The following COL5A2 variants were observed in gnomAD, a reference collection of about 807,000 sequenced individuals.
COL5A2 encodes collagen type V alpha 2 chain.
A neutral mutation model predicts 208.2 loss-of-function variants in COL5A2; 23 were observed. That is an observed-to-expected ratio of 0.11 (90% confidence interval 0.08 to 0.16). The LOEUF (loss-of-function observed/expected upper bound fraction) is 0.16, where lower values mean the gene tolerates loss of function less well. Ranked by LOEUF, COL5A2 falls within the 10% of genes least tolerant of loss-of-function variation. The pLI is 1.00. For missense variants in COL5A2, 1,590 were observed against 1,956.4 expected (o/e 0.81, Z 3.53); for synonymous variants, 625 against 628.5 (o/e 0.99, Z 0.08).
upstream of COL5A2, among the ~76,000 whole-genome samples, chr2:189,227,691 T>C (rs1689437914): frequency 6.6e-6 from 1 of 151,876 alleles, no homozygotes; most frequent in Non-Finnish European, 1.5e-5. Context: ...GCAACCAATA[T>C]AGAGCACCTA....
At chr2:189,317,082 T>A in the COL5A2 span, among the ~76,000 whole-genome samples, 40 of 152,092 alleles carry the variant, frequency 2.6e-4, no homozygotes, top group African/African-American at 9.7e-4. Flanking sequence ...TTCATTTTAG[T>A]CTTTATATAA....
the COL5A2 span, among the ~76,000 whole-genome samples, chr2:189,387,391 G>A: frequency 4.6e-5 from 7 of 152,128 alleles, no homozygotes; most frequent in East Asian, 1.9e-4. Flanking sequence ...TGACAAGTTC[G>A]GTTATGCCCT....
the COL5A2 span, among the ~76,000 whole-genome samples, chr2:189,260,795 T>C: frequency 1.3e-5 from 2 of 152,204 alleles, no homozygotes; most frequent in Non-Finnish European, 2.9e-5. Flanking sequence ...ATTCAAGTTA[T>C]ATAAAAGGAA....
the COL5A2 span, among the ~76,000 whole-genome samples, chr2:189,425,627 A>T: frequency 6.6e-6 from 1 of 152,176 alleles, no homozygotes; most frequent in African/African-American, 2.4e-5. Context: ...ATACAATTTG[A>T]ATTTCTGTCC....
chr2:189,139,764 A>G (rs1687900103), intron 1 of COL5A2, among the ~76,000 whole-genome samples: 2 of 152,360 alleles, frequency 1.3e-5, no homozygotes, highest in African/African-American at 4.8e-5. Context: ...CTAAAATTAG[A>G]AAGTATATTT....
In COL5A2 at chr2:189,099,569, G is replaced by A. The variant is rs1687006948; in HGVS notation, c.369+538C>T. 7.9e-5 allele frequency among the ~76,000 whole-genome samples: 12 copies of A among 152,282 alleles called. No homozygotes were observed. In the South Asian group the frequency reaches 2.5e-3, roughly 32 times the overall value. On this transcript the variant is annotated intron_variant, in intron 4 of 53. Transcript: ENST00000374866. Reference sequence around the variant, plus strand: ...GAATCTGGGAGGTGGAGGTTGCAGTGAACTGAGATTGTGCCACTGCACTCC... The same window carrying A: ...GAATCTGGGAGGTGGAGGTTGCAGTAAACTGAGATTGTGCCACTGCACTCC...
At chr2:189,300,783 AAAGAATAGAAATGTGAC>A in the COL5A2 span, among the ~76,000 whole-genome samples, 1 of 152,250 alleles carries the variant, frequency 6.6e-6, no homozygotes, top group East Asian at 1.9e-4. Flanking sequence ...ATGCTGCCCC[AAAGAATAGAAATGTGAC>A]TTTGTGGAAG....
In COL5A2 at chr2:189,151,681, C is replaced by A. The variant is rs186072003; in HGVS notation, c.97+27827G>T. 5.9e-5 allele frequency among the ~76,000 whole-genome samples: 9 copies of A among 152,226 alleles called. No homozygotes were observed. In the East Asian group the frequency reaches 1.7e-3, roughly 29 times the overall value. ...TATTCATCTGTAACTCTTTTTCTTA[C>A]CTTCTTCACTGTAAAACCCACTAGT... On this transcript the variant is annotated intron_variant, in intron 1 of 53. Transcript: ENST00000374866.
At chr2:189,292,839 G>A in the COL5A2 span, among the ~76,000 whole-genome samples, 1 of 152,142 alleles carries the variant, frequency 6.6e-6, no homozygotes, top group Non-Finnish European at 1.5e-5. Context: ...CAATAGCAAA[G>A]ACTTGGAACC....
chr2:189,237,322 T>G, the COL5A2 span, among the ~76,000 whole-genome samples: 1 of 151,692 alleles, frequency 6.6e-6, no homozygotes, highest in South Asian at 2.1e-4. Context: ...GTTCTTTCAA[T>G]TTTATCTCTT....
chr2:189,184,619 C>A (rs769989145), upstream of COL5A2, among the ~76,000 whole-genome samples: 1 of 152,148 alleles, frequency 6.6e-6, no homozygotes, highest in Non-Finnish European at 1.5e-5. Context: ...GACATGTCTT[C>A]GTTGTCACAT....
chr2:189,119,508 T>C (rs1445912060), intron 1 of COL5A2, among the ~76,000 whole-genome samples: 2 of 152,134 alleles, frequency 1.3e-5, no homozygotes, highest in Non-Finnish European at 1.5e-5. Context: ...GCAAACTTTA[T>C]TAGAATTTCA....
chr2:189,060,839 C>G (rs1686014762), intron 30 of COL5A2, 56 bp from the exon 31 acceptor site: 1 of 1,253,936 alleles, frequency 8.0e-7, no homozygotes, highest in Admixed American at 1.7e-5. Flanking sequence ...AACAGGCTAC[C>G]AGTGTTAACA....
chr2:189,155,523 CA>C (rs752442767), intron 1 of COL5A2, among the ~76,000 whole-genome samples: 1 of 152,114 alleles, frequency 6.6e-6, no homozygotes, highest in Non-Finnish European at 1.5e-5. Flanking sequence ...AGATAGTAGT[CA>C]CTGGCCACAC....
intron 1 of COL5A2, among the ~76,000 whole-genome samples, chr2:189,120,207 T>C (rs569414225): frequency 1.3e-5 from 2 of 152,212 alleles, no homozygotes; most frequent in East Asian, 3.9e-4. Context: ...AACCAAAATA[T>C]ACAGAAGCTG....
chr2:189,284,046 AATAAGC>A, the COL5A2 span, among the ~76,000 whole-genome samples: 1 of 152,188 alleles, frequency 6.6e-6, no homozygotes, highest in Non-Finnish European at 1.5e-5. Context: ...TCAGGTCATG[AATAAGC>A]ATACTGATAT....
At chr2:189,057,060 T>G in intron 34 of COL5A2, 34 bp from the exon 35 acceptor site, 1 of 1,589,420 alleles carries the variant, frequency 6.3e-7, no homozygotes, top group Non-Finnish European at 8.6e-7. Flanking sequence ...TTGATTCATT[T>G]AATTGTCTCT....
chr2:189,067,567 AACATTCAATCTG>A, intron 21 of COL5A2, among the ~76,000 whole-genome samples: 1 of 152,298 alleles, frequency 6.6e-6, no homozygotes, highest in Middle Eastern at 3.4e-3. Context: ...AAAATATGAA[AACATTCAATCTG>A]ACATTCAATC....
chr2:189,264,610 C>T, the COL5A2 span, among the ~76,000 whole-genome samples: 1 of 152,004 alleles, frequency 6.6e-6, no homozygotes, highest in Admixed American at 6.6e-5. Flanking sequence ...GGGAAACAGA[C>T]AGTGTATAAT....
Sources: allele counts gnomAD v4.1 joint callset (sites outside exome capture counted in the v4.1 genomes callset), GRCh38; gene constraint gnomAD v4.1.1; transcripts MANE v1.5; gene names NCBI Gene and HGNC (gene_info 2026-07-23, HGNC 2026-07-21).